The following NRK variants were observed in gnomAD, a reference collection of about 807,000 sequenced individuals.
NRK encodes the protein nik-related protein kinase.
In NRK, 67 loss-of-function variants were observed where a neutral mutation model predicts 125.2. That is an observed-to-expected ratio of 0.54 (90% CI 0.44 to 0.66). The LOEUF is 0.66. Among genes scored for constraint, NRK ranks in the 30% least tolerant of loss-of-function variants. The probability of loss-of-function intolerance (pLI) is 0.00; values close to 1 mark genes in which losing one functional copy is unlikely to be tolerated. For synonymous variants in NRK, 458 were observed against 429.0 expected (o/e 1.07, Z -0.84); for missense variants, 1,224 against 1,192.9 (o/e 1.03, Z -0.38).
At chrX:105,823,026 G>A (rs2039043231) in intron 1 of NRK, 124 bp downstream of exon 1, 4 of 651,386 alleles carry the variant, frequency 6.1e-6, no homozygotes, top group African/African-American at 4.5e-5. Context: ...CCCCGGGCGC[G>A]GAAGGGGATC....
At chrX:105,844,025 G>GTC (rs2039368644) in intron 2 of NRK, among the ~76,000 whole-genome samples, 30 of 105,809 alleles carry the variant, frequency 2.8e-4, no homozygotes, top group African/African-American at 9.4e-4. Flanking sequence ...GTGTCTGTGT[G>GTC]TGTGTGTGTG....
intron 8 of NRK, among the ~76,000 whole-genome samples, chrX:105,899,462 A>G (rs2040127855): frequency 1.8e-5 from 2 of 111,730 alleles, no homozygotes; most frequent in African/African-American, 6.5e-5. Flanking sequence ...TGCCCTTTAC[A>G]TGATCTGCAA....
rs1048045390 is a variant in NRK at position 105,857,605 on chromosome X, CT to C, written c.124-22585del. On this transcript the variant is annotated intron_variant, in intron 2 of 28. Coordinates refer to ENST00000243300, the MANE Select transcript of NRK (RefSeq NM_198465.4). ...ATTTCTTAAAGAAAAAAATCCCCCC[CT>C]TTTTTTTTGCAGTCAGATCTTGATT... Among the ~76,000 whole-genome samples the C allele has an allele frequency of 6.3e-4, 69 of 109,141 alleles. 1 individual carries two copies. Among genetic ancestry groups the C allele is most frequent in the Admixed American group, 1.7e-3 (17 of 10,166 alleles). The allele number at this position is 109,141 out of a possible 115,157, so 94.8% of individuals were successfully genotyped here.
chrX:105,900,528 C>G, intron 8 of NRK, 90 bp from the exon 9 acceptor site: 1 of 565,479 alleles, frequency 1.8e-6, no homozygotes. Flanking sequence ...GCATTGACAT[C>G]CACACCCCCA....
At chrX:105,841,912 C>A (rs1448030878) in intron 2 of NRK, among the ~76,000 whole-genome samples, 1 of 110,570 alleles carries the variant, frequency 9.0e-6, no homozygotes, top group Non-Finnish European at 1.9e-5. Flanking sequence ...ATCATCCTAC[C>A]ATCTCACAAA....
At chrX:105,828,296 T>A (rs1230396221) in intron 1 of NRK, among the ~76,000 whole-genome samples, 1 of 111,956 alleles carries the variant, frequency 8.9e-6, no homozygotes, top group Non-Finnish European at 1.9e-5. Context: ...GAAAGATGGT[T>A]TGGTCATTCG....
chrX:105,902,207 A>T lies in NRK; in HGVS notation c.766+1535A>T, dbSNP rs764027771. The stretch of plus-strand genomic sequence containing the variant: ...AGAGAAGGAGTTTTGCACAGATTAC[A>T]CAAATGGCAAGCTTCTTACAAAAGA... On this transcript the variant is annotated intron_variant, in intron 9 of 28. Coordinates refer to ENST00000243300, the MANE Select transcript of NRK (RefSeq NM_198465.4). 4.5e-5 allele frequency among the ~76,000 whole-genome samples: 5 copies of T among 110,719 alleles called. No homozygotes were observed. In the South Asian group the frequency reaches 1.5e-3, roughly 34 times the overall value.
chrX:105,950,126 A>G (rs1391899720), intron 27 of NRK, among the ~76,000 whole-genome samples: 1 of 112,090 alleles, frequency 8.9e-6, no homozygotes, highest in East Asian at 2.8e-4. Flanking sequence ...GCCAACTAGT[A>G]TAAAAGAGCC....
At chrX:105,942,920 C>T (rs1352865063) in intron 23 of NRK, among the ~76,000 whole-genome samples, 3 of 111,545 alleles carry the variant, frequency 2.7e-5, no homozygotes, top group Non-Finnish European at 3.8e-5. Flanking sequence ...CCACTGTGCC[C>T]GGCCCATATA....
At chrX:105,834,306 T>C (rs2039233607) in intron 2 of NRK, among the ~76,000 whole-genome samples, 1 of 112,018 alleles carries the variant, frequency 8.9e-6, no homozygotes, top group South Asian at 3.7e-4. Context: ...AACATGCCAA[T>C]TTGTCTTCAG....
rs1846946048 is a variant in NRK at position 105,822,727 on chromosome X, G to C, written c.-119G>C. 2 of 689,792 alleles carry C rather than the reference G, an allele frequency of 2.9e-6. No homozygotes were observed. The highest frequency in any genetic ancestry group is 2.3e-5 in the South Asian group (1 of 42,865). 56.8% of individuals were successfully genotyped at this position (689,792 alleles called of 1,213,427 possible). A position where few individuals can be genotyped will look rare whatever the true frequency, so the allele number is the denominator to read the frequency against. On this transcript the variant is annotated 5_prime_UTR_variant, in exon 1 of 29. Coordinates refer to ENST00000243300, the MANE Select transcript of NRK (RefSeq NM_198465.4). Reference sequence around the variant, plus strand: ...CCCACGCCACGAACCCCGATCCCCAGACTCCTCTCTCCCGCCCTCCTCCTT... The same window carrying C: ...CCCACGCCACGAACCCCGATCCCCACACTCCTCTCTCCCGCCCTCCTCCTT...
At chrX:105,890,589 A>G (rs1253998516) in intron 5 of NRK, among the ~76,000 whole-genome samples, 2 of 112,533 alleles carry the variant, frequency 1.8e-5, no homozygotes, top group South Asian at 7.4e-4. Context: ...GCTCACAATC[A>G]TGGTGGAAAG....
At chrX:105,849,247 C>T (rs1464386675) in intron 2 of NRK, among the ~76,000 whole-genome samples, 1 of 111,805 alleles carries the variant, frequency 8.9e-6, no homozygotes, top group East Asian at 2.8e-4. Context: ...AACCCATCAG[C>T]TCTCATGAGA....
At chrX:105,888,450 A>T (rs373238342) in intron 5 of NRK, 31 bp downstream of exon 5, 2 of 1,115,194 alleles carry the variant, frequency 1.8e-6, no homozygotes, top group African/African-American at 3.7e-5. Flanking sequence ...TTCTTATTCT[A>T]TAAGAATAAG....
intron 2 of NRK, among the ~76,000 whole-genome samples, 173 bp from the exon 3 acceptor site, chrX:105,880,026 T>G (rs1490900987): frequency 3.6e-5 from 4 of 111,183 alleles, no homozygotes; most frequent in African/African-American, 1.3e-4. Context: ...AAAATGTTGA[T>G]AATTTAATAT....
chrX:105,906,146 C>T lies in NRK; in HGVS notation c.846-268C>T, dbSNP rs1047723047. ...CATCATATCTGCACTTGAGTTTTTA[C>T]CAGGTACATACAGTTAACTCATTGA... On this transcript the variant is annotated intron_variant, in intron 10 of 28. Coordinates refer to ENST00000243300, the MANE Select transcript of NRK (RefSeq NM_198465.4). Among the ~76,000 whole-genome samples, 15 of 111,638 alleles carry T rather than the reference C, an allele frequency of 1.3e-4. No homozygotes were observed. The Admixed American group carries it at 1.4e-3, about 11-fold the overall frequency.
intron 2 of NRK, among the ~76,000 whole-genome samples, chrX:105,863,357 C>CACACACATAT (rs372176349): frequency 9.4e-6 from 1 of 106,493 alleles, no homozygotes; most frequent in African/African-American, 3.5e-5. Context: ...CACACACACA[C>CACACACATAT]ATACTATTTT....
intron 2 of NRK, among the ~76,000 whole-genome samples, chrX:105,864,533 T>C (rs2039645454): frequency 8.9e-6 from 1 of 111,740 alleles, no homozygotes; most frequent in Non-Finnish European, 1.9e-5. Context: ...TGGATCAAAT[T>C]GTAAAGTTAA....
chrX:105,870,034 G>C (rs1320423986), intron 2 of NRK, among the ~76,000 whole-genome samples: 4 of 111,239 alleles, frequency 3.6e-5, no homozygotes, highest in Non-Finnish European at 7.5e-5. Context: ...GTTAAGCCCA[G>C]ACAAACCTTA....
Sources: gnomAD v4.1 joint callset for allele counts (sites outside exome capture counted in the v4.1 genomes callset) on GRCh38, gnomAD v4.1.1 for gene constraint, MANE v1.5 for transcripts, NCBI Gene and HGNC (gene_info 2026-07-23, HGNC 2026-07-21) for gene names.